C5orf22: variants seen among roughly 807,000 people sequenced by gnomAD.
C5orf22 encodes chromosome 5 open reading frame 22.
In C5orf22, 36 loss-of-function variants were observed where a neutral mutation model predicts 48.7. The observed-to-expected ratio is 0.74, with a 90% CI of 0.57 to 0.98. C5orf22 has a LOEUF of 0.98. C5orf22 is among the 50% of genes least tolerant of loss of function. The pLI is 0.00. For synonymous variants in C5orf22, 141 were observed against 180.8 expected (o/e 0.78, Z 1.76); for missense variants, 486 against 521.9 (o/e 0.93, Z 0.67).
intron 7 of C5orf22, among the ~76,000 whole-genome samples, chr5:31,546,562 C>G (rs998254412): frequency 6.6e-6 from 1 of 152,172 alleles, no homozygotes; most frequent in Admixed American, 6.5e-5. Context: ...ATACCTGAGA[C>G]TGGGCAATTT....
At chr5:31,534,775 C>G (rs890665309) in intron 2 of C5orf22, among the ~76,000 whole-genome samples, 3 of 152,166 alleles carry the variant, frequency 2.0e-5, no homozygotes, top group Non-Finnish European at 4.4e-5. Flanking sequence ...ACTCAGGAAG[C>G]TAAGGTGGGA....
intron 3 of C5orf22, among the ~76,000 whole-genome samples, chr5:31,537,722 A>G (rs1024473914): frequency 2.6e-5 from 4 of 152,206 alleles, no homozygotes; most frequent in Non-Finnish European, 4.4e-5. Flanking sequence ...TTTCTCTTCA[A>G]TGATTTTTTG....
chr5:31,549,152 G>T (rs1159115161), intron 7 of C5orf22, among the ~76,000 whole-genome samples: 1 of 152,172 alleles, frequency 6.6e-6, no homozygotes, highest in Non-Finnish European at 1.5e-5. Flanking sequence ...CCAGGAGGTG[G>T]AGTTTGCAGT....
chr5:31,544,865 T>A (rs952588621), intron 6 of C5orf22, among the ~76,000 whole-genome samples: 4 of 151,374 alleles, frequency 2.6e-5, no homozygotes, highest in Admixed American at 2.0e-4. Flanking sequence ...AGCCCAGGAG[T>A]TCGAGGCTGC....
chr5:31,541,319 A>G lies in C5orf22; in HGVS notation c.909A>G (p.Gln303=), dbSNP rs534125572. 11 of 1,612,500 alleles carry G rather than the reference A, an allele frequency of 6.8e-6. No individual in the cohort carries two copies. The highest frequency in any genetic ancestry group is 3.3e-5 in the Admixed American group (2 of 60,012). The part of the protein sequence containing the change: ...LVDIVDTRIH[Q]LEDLEATFAD... Reference sequence around the variant, plus strand: ...ATATTGTTGATACTCGAATTCATCAATTAGAGGATTTAGAAGCCACTTTCG... The same window carrying G: ...ATATTGTTGATACTCGAATTCATCAGTTAGAGGATTTAGAAGCCACTTTCG... The change falls in exon 6 of 9, where the codon CAA becomes CAG. Residue 303 remains glutamine, a synonymous_variant. Transcript: ENST00000325366.
intron 2 of C5orf22, chr5:31,534,630 C>T: frequency 1.9e-6 from 1 of 524,052 alleles, no homozygotes; most frequent in Non-Finnish European, 3.4e-6. Flanking sequence ...TATATGGTCT[C>T]TGTTGCAACT....
rs1742238574 is a variant in C5orf22 at position 31,538,358 on chromosome 5, TA to T, written c.480del (p.Lys160AsnfsTer23). 1.9e-6 allele frequency: 3 copies of T among 1,614,016 alleles called. No individual in the cohort carries two copies. The South Asian group carries it at 3.3e-5, about 18-fold the overall frequency. On this transcript the variant is annotated frameshift_variant, in exon 4 of 9. Transcript: ENST00000325366. LOFTEE classifies it high-confidence loss of function. ...QKPLQLDVIM[V>X]KPYKLCNNQE... ...CCTTTACAATTGGATGTAATTATGGTAAAACCTTATAAACTCTGTAACAATC... is the reference window on the plus strand; with the variant it reads ...CCTTTACAATTGGATGTAATTATGGTAAACCTTATAAACTCTGTAACAATC...
chr5:31,550,921 T>C (rs1373074730), intron 7 of C5orf22, among the ~76,000 whole-genome samples: 2 of 152,134 alleles, frequency 1.3e-5, no homozygotes, highest in East Asian at 3.9e-4. Context: ...ATTACCAAAA[T>C]TGACCCAAGC....
At chr5:31,550,565 A>AT (rs909139587) in intron 7 of C5orf22, among the ~76,000 whole-genome samples, 35 of 148,946 alleles carry the variant, frequency 2.3e-4, no homozygotes, top group East Asian at 1.4e-3. Flanking sequence ...AATATGTACA[A>AT]TTTTTTTTTT....
chr5:31,540,845 A>G (rs1742405831), intron 4 of C5orf22, 104 bp from the exon 5 acceptor site: 1 of 782,186 alleles, frequency 1.3e-6, no homozygotes, highest in Non-Finnish European at 2.2e-6. Context: ...ATTATCTAAG[A>G]TGTTCTTGTA....
intron 2 of C5orf22, chr5:31,534,998 A>ATTTT (rs2150070962): frequency 2.2e-6 from 1 of 454,892 alleles, no homozygotes; most frequent in Non-Finnish European, 4.4e-6. Flanking sequence ...CATTTAGTCC[A>ATTTT]TTGCCATATG....
At chr5:31,550,943 G>T (rs952832979) in intron 7 of C5orf22, among the ~76,000 whole-genome samples, 1 of 152,128 alleles carries the variant, frequency 6.6e-6, no homozygotes, top group Non-Finnish European at 1.5e-5. Context: ...CAATGAAGTA[G>T]TTAAAGAATT....
In C5orf22 at chr5:31,553,055, A is replaced by T; in HGVS notation, c.*153A>T. On this transcript the variant is annotated 3_prime_UTR_variant, in exon 9 of 9. Coordinates refer to ENST00000325366, the MANE Select transcript of C5orf22 (RefSeq NM_018356.3). ...TTTGAATCTCTGAACAACCATTGTC[A>T]GTTGTGAATGATGGTAAATTTTTTG... 1 of 683,418 alleles carries T rather than the reference A, an allele frequency of 1.5e-6. No individual in the cohort carries two copies. Among genetic ancestry groups the T allele is most frequent in the South Asian group, 3.0e-5 (1 of 33,650 alleles). The allele number at this position is 683,418 out of a possible 1,614,324, so 42.3% of individuals were successfully genotyped here.
chr5:31,532,381 G>C lies in C5orf22; in HGVS notation c.-12G>C. On this transcript the variant is annotated 5_prime_UTR_variant, in exon 1 of 9. Transcript: ENST00000325366. ...GCCACCGCTTTACTGCAAAACTGAC[G>C]GGCGCAAAAACATGAGTGACTCCGC... 6.2e-7 allele frequency: 1 copy of C among 1,613,846 alleles called. No homozygotes were observed.
rs1178006612 is a variant in C5orf22, at chr5:31,551,178, G to C, written c.1060-115G>C. On this transcript the variant is annotated intron_variant, in intron 7 of 8. Coordinates refer to ENST00000325366, the MANE Select transcript of C5orf22 (RefSeq NM_018356.3). ...TGAATCACATGTACCCTGAAAATAT[G>C]CACATCTTTTATGTATCAATAAAAG... 8.1e-6 allele frequency: 8 copies of C among 990,592 alleles called. No homozygotes were observed. The Admixed American group carries it at 8.7e-5, about 11-fold the overall frequency. 61.4% of individuals were successfully genotyped at this position (990,592 alleles called of 1,614,324 possible).
At chr5:31,532,561 G>A (rs1213224536) in intron 1 of C5orf22, 88 bp downstream of exon 1, 2 of 1,168,088 alleles carry the variant, frequency 1.7e-6, no homozygotes, top group African/African-American at 1.5e-5. Flanking sequence ...CCTTAGCATC[G>A]GAGGCCAGAG....
chr5:31,536,020 G>T, intron 3 of C5orf22, 127 bp downstream of exon 3: 2 of 858,108 alleles, frequency 2.3e-6, no homozygotes, highest in Non-Finnish European at 3.5e-6. Context: ...TCTCCAAAGA[G>T]TTCTCAAAAC....
At chr5:31,532,749 C>G (rs1741654881) in intron 1 of C5orf22, among the ~76,000 whole-genome samples, 1 of 151,948 alleles carries the variant, frequency 6.6e-6, no homozygotes, top group Non-Finnish European at 1.5e-5. Context: ...GATTCGAAAC[C>G]GGACAGTCTG....
rs1742245082 is a variant in C5orf22, at chr5:31,538,408, TCTG to T, written c.529_531del (p.Ala177del). ...TCAAGAAGAAAACGATGCAGTGTCTTCTGCTAAGAAACCAAAGCTAGCCCTGGA... is the reference window on the plus strand; with the variant it reads ...TCAAGAAGAAAACGATGCAGTGTCTTCTAAGAAACCAAAGCTAGCCCTGGA... On this transcript the variant is annotated inframe_deletion, in exon 4 of 9. Transcript: ENST00000325366. 6.2e-7 allele frequency: 1 copy of T among 1,614,068 alleles called. No individual in the cohort carries two copies. Among genetic ancestry groups the T allele is most frequent in the Admixed American group, 1.7e-5 (1 of 59,998 alleles).
Sources: gnomAD v4.1 joint callset for allele counts (sites outside exome capture counted in the v4.1 genomes callset) on GRCh38, gnomAD v4.1.1 for gene constraint, MANE v1.5 for transcripts, NCBI Gene and HGNC (gene_info 2026-07-23, HGNC 2026-07-21) for gene names.